Variants in DISC1 observed in about 807,000 individuals in gnomAD.
The protein encoded by DISC1 is disrupted in schizophrenia 1 protein.
Under a neutral mutation model 84.5 loss-of-function variants are expected in DISC1, and 57 were observed. The observed-to-expected ratio is 0.67, with a 90% CI of 0.55 to 0.84. The LOEUF (loss-of-function observed/expected upper bound fraction) is 0.84, where lower values mean the gene tolerates loss of function less well. Ranked by LOEUF, DISC1 falls within the 40% of genes least tolerant of loss-of-function variation. The probability of loss-of-function intolerance (pLI) is 0.00; values close to 1 mark genes in which losing one functional copy is unlikely to be tolerated. For synonymous variants in DISC1, 411 were observed against 415.2 expected (o/e 0.99, Z 0.12); for missense variants, 1,000 against 1,057.8 (o/e 0.95, Z 0.76).
At chr1:231,701,831 T>C (rs1156497870) in intron 2 of DISC1, 124 bp from the exon 3 acceptor site, 2 of 857,514 alleles carry the variant, frequency 2.3e-6, no homozygotes, top group Non-Finnish European at 3.4e-6. Flanking sequence ...TTTTTGTTTT[T>C]TTTTTAAAAA....
intron 3 of DISC1, chr1:231,723,372 G>A: frequency 2.0e-6 from 2 of 985,792 alleles, no homozygotes; most frequent in Non-Finnish European, 2.4e-6. Flanking sequence ...ACTCAGGTCT[G>A]TGGAACGGCG....
At chr1:231,678,504 T>C (rs2125527107) in intron 1 of DISC1, among the ~76,000 whole-genome samples, 1 of 152,334 alleles carries the variant, frequency 6.6e-6, no homozygotes, top group Non-Finnish European at 1.5e-5. Context: ...TGTTCTCCAA[T>C]CTTTCCAACT....
At chr1:231,906,536 T>C (rs1018730519) in intron 9 of DISC1, among the ~76,000 whole-genome samples, 4 of 152,214 alleles carry the variant, frequency 2.6e-5, no homozygotes, top group Admixed American at 1.3e-4. Context: ...ATAAGGCAGC[T>C]GTGTGTGAAA....
chr1:231,702,680 C>T, intron 3 of DISC1: 1 of 880,238 alleles, frequency 1.1e-6, no homozygotes, highest in African/African-American at 1.8e-5. Context: ...AATGAGGCAC[C>T]AAAATAGAAG....
At chr1:232,028,924 G>A (rs577652882) in intron 12 of DISC1, among the ~76,000 whole-genome samples, 5 of 152,198 alleles carry the variant, frequency 3.3e-5, no homozygotes, top group African/African-American at 1.2e-4. Context: ...CTACTTGACA[G>A]TCGAAAAAAA....
chr1:231,806,297 A>G (rs898336851), intron 8 of DISC1, among the ~76,000 whole-genome samples: 2 of 152,188 alleles, frequency 1.3e-5, no homozygotes, highest in African/African-American at 4.8e-5. Context: ...ACCTGTAGTA[A>G]AAGGGCAGCG....
chr1:231,855,243 A>C, intron 9 of DISC1: 1 of 981,014 alleles, frequency 1.0e-6, no homozygotes, highest in East Asian at 1.1e-4. Context: ...ACTGTACTGT[A>C]AAGAATCACA....
intron 1 of DISC1, among the ~76,000 whole-genome samples, chr1:231,627,387 A>C (rs1016421503): frequency 3.9e-5 from 6 of 152,204 alleles, no homozygotes; most frequent in Admixed American, 2.6e-4. Context: ...CCCAAGACCC[A>C]GCTGGATCTC....
intron 9 of DISC1, among the ~76,000 whole-genome samples, chr1:231,879,689 C>T (rs1182719444): frequency 6.6e-6 from 1 of 151,074 alleles, no homozygotes; most frequent in African/African-American, 2.4e-5. Context: ...GCATGGTGGG[C>T]AGGAGAGGGG....
At chr1:231,789,135 A>T (rs1257918237) in intron 6 of DISC1, among the ~76,000 whole-genome samples, 1 of 152,196 alleles carries the variant, frequency 6.6e-6, no homozygotes, top group African/African-American at 2.4e-5. Flanking sequence ...AGACGAGTGG[A>T]TGTGAAATTT....
intron 2 of DISC1, among the ~76,000 whole-genome samples, chr1:231,695,006 T>C (rs1036893443): frequency 4.6e-5 from 7 of 152,232 alleles, no homozygotes; most frequent in African/African-American, 1.7e-4. Context: ...CCTTTTTGTC[T>C]TCTCTGTCAC....
chr1:231,786,959 C>T (rs959441645), intron 6 of DISC1, among the ~76,000 whole-genome samples: 7 of 152,148 alleles, frequency 4.6e-5, no homozygotes, highest in Admixed American at 3.3e-4. Context: ...CTTTGGCGCC[C>T]CATTTACCCT....
In DISC1 at chr1:232,040,345, C is replaced by T. The variant is rs1476773925; in HGVS notation, c.*3514C>T. 1 of 152,152 alleles carries T rather than the reference C, an allele frequency of 6.6e-6. No individual in the cohort carries two copies. Among genetic ancestry groups the T allele is most frequent in the Non-Finnish European group, 1.5e-5 (1 of 68,050 alleles). 9.4% of individuals were successfully genotyped at this position (152,152 alleles called of 1,614,324 possible). On this transcript the variant is annotated 3_prime_UTR_variant, in exon 13 of 13. Coordinates refer to ENST00000439617, the MANE Select transcript of DISC1 (RefSeq NM_018662.3). The stretch of plus-strand genomic sequence containing the variant: ...TGATCCTTCTCCAAATTAGTATATA[C>T]TATTGGAAACTTGTCTTTCCCTGCA...
intron 4 of DISC1, among the ~76,000 whole-genome samples, chr1:231,766,543 A>AT (rs1318632245): frequency 6.6e-6 from 1 of 152,218 alleles, no homozygotes; most frequent in Admixed American, 6.5e-5. Context: ...CTCAAACAGT[A>AT]GTGCAAAGCA....
intron 9 of DISC1, among the ~76,000 whole-genome samples, chr1:231,861,880 A>G (rs1255348550): frequency 6.6e-6 from 1 of 152,204 alleles, no homozygotes; most frequent in African/African-American, 2.4e-5. Flanking sequence ...GAAGCTTTAT[A>G]TCTATTTACA....
chr1:231,960,241 T>C (rs1194913357), intron 10 of DISC1, among the ~76,000 whole-genome samples: 1 of 152,028 alleles, frequency 6.6e-6, no homozygotes, highest in Non-Finnish European at 1.5e-5. Flanking sequence ...TCCTTTACCT[T>C]CTTCTTATTT....
intron 1 of DISC1, among the ~76,000 whole-genome samples, chr1:231,654,626 C>T (rs1313774431): frequency 6.6e-6 from 1 of 152,144 alleles, no homozygotes; most frequent in Non-Finnish European, 1.5e-5. Context: ...CCACTTCTAC[C>T]CTTGCCCCAG....
chr1:231,672,117 G>T (rs1469110552), intron 1 of DISC1, among the ~76,000 whole-genome samples: 2 of 152,136 alleles, frequency 1.3e-5, no homozygotes, highest in African/African-American at 4.8e-5. Context: ...ATATATAACT[G>T]GCTGGCTAGT....
rs560739171 is a variant in DISC1, at chr1:231,727,350, TC to T, written c.1118-22574del. Among the ~76,000 whole-genome samples the T allele has an allele frequency of 2.5e-3, 388 of 152,280 alleles. 2 individuals carry two copies. The highest frequency in any genetic ancestry group is 8.4e-3 in the African/African-American group (348 of 41,560). On this transcript the variant is annotated intron_variant, in intron 3 of 12. Coordinates refer to ENST00000439617, the MANE Select transcript of DISC1 (RefSeq NM_018662.3). Reference sequence around the variant, plus strand: ...GTATTCCTCAGAGGGCTTAATGACTTCCAGGTGGTTCAGAACCACTGATGCC... The same window carrying T: ...GTATTCCTCAGAGGGCTTAATGACTTCAGGTGGTTCAGAACCACTGATGCC...
Sources: gnomAD v4.1 joint callset for allele counts (sites outside exome capture counted in the v4.1 genomes callset) on GRCh38, gnomAD v4.1.1 for gene constraint, MANE v1.5 for transcripts, NCBI Gene and HGNC (gene_info 2026-07-23, HGNC 2026-07-21) for gene names.